The following AEBP2 variants were observed in gnomAD, a reference collection of about 807,000 sequenced individuals.
AEBP2 encodes the protein AE binding protein 2, also known as zinc finger protein AEBP2.
Under a neutral mutation model 50.8 loss-of-function variants are expected in AEBP2, and 10 were observed. That is an observed-to-expected ratio of 0.20 (90% CI 0.12 to 0.33). AEBP2 has a LOEUF of 0.33. Ranked by LOEUF, AEBP2 falls within the 10% of genes least tolerant of loss-of-function variation. AEBP2 has a pLI of 1.00. For synonymous variants in AEBP2, 296 were observed against 261.3 expected, an observed-to-expected ratio of 1.13 and a Z score of -1.28; for missense variants, 570 against 688.0, an observed-to-expected ratio of 0.83 and a Z score of 1.92.
At chr12:19,507,673 G>C (rs191671277) in intron 5 of AEBP2, among the ~76,000 whole-genome samples, 6 of 152,146 alleles carry the variant, frequency 3.9e-5, no homozygotes, top group Admixed American at 3.9e-4. Flanking sequence ...TTTTTTTCCT[G>C]GGGAAGGAAA....
Position 19,439,645 on chromosome 12 carries a change from CGA to C in AEBP2, c.-49_-48del. On this transcript the variant is annotated 5_prime_UTR_variant, in exon 1 of 8. Transcript: ENST00000266508. The stretch of plus-strand genomic sequence containing the variant: ...GGGAGGGGGGCGAGGGAGAGAGAGT[CGA>C]GAGAGGGAGGCGGCGGTGGGGAGGA... The C allele has an allele frequency of 6.7e-7, 1 of 1,496,290 alleles. No homozygotes were observed. The highest frequency in any genetic ancestry group is 8.9e-7 in the Non-Finnish European group (1 of 1,128,808). The allele number at this position is 1,496,290 out of a possible 1,614,324, so 92.7% of individuals were successfully genotyped here. A position where few individuals can be genotyped will look rare whatever the true frequency, so the allele number is the denominator to read the frequency against.
At chr12:19,456,590 G>A in intron 1 of AEBP2, 1 of 1,540,872 alleles carries the variant, frequency 6.5e-7, no homozygotes, top group Non-Finnish European at 9.0e-7. Context: ...GGCCTGGAAG[G>A]TTCAGGATAA....
intron 2 of AEBP2, among the ~76,000 whole-genome samples, chr12:19,467,688 A>C (rs1250037161): frequency 6.6e-6 from 1 of 152,170 alleles, no homozygotes; most frequent in Non-Finnish European, 1.5e-5. Flanking sequence ...TCTTAATATA[A>C]GTCTTGGAAA....
intron 1 of AEBP2, among the ~76,000 whole-genome samples, chr12:19,405,806 G>A (rs1181852417): frequency 6.6e-6 from 1 of 151,642 alleles, no homozygotes; most frequent in Non-Finnish European, 1.5e-5. Flanking sequence ...AACCTACATT[G>A]ATACTTTATC....
chr12:19,465,690 A>T (rs974590215), intron 2 of AEBP2, among the ~76,000 whole-genome samples: 1 of 152,112 alleles, frequency 6.6e-6, no homozygotes, highest in Non-Finnish European at 1.5e-5. Context: ...GTTTTGAATG[A>T]TAAAATATGA....
chr12:19,440,746 T>C lies in AEBP2; in HGVS notation c.671+376T>C, dbSNP rs1000088618. The C allele has an allele frequency of 2.7e-5, 41 of 1,533,386 alleles. No homozygotes were observed. The East Asian group carries it at 3.7e-4, about 14-fold the overall frequency. 95.0% of individuals were successfully genotyped at this position (1,533,386 alleles called of 1,614,324 possible). The stretch of plus-strand genomic sequence containing the variant: ...ACTCAAGGTTAGCTTCTTCCAACCG[T>C]GTTCGGGAACACTTGTCAGAACTAC... On this transcript the variant is annotated intron_variant, in intron 1 of 7. Coordinates refer to ENST00000266508, the MANE Select transcript of AEBP2 (RefSeq NM_153207.5).
intron 1 of AEBP2, among the ~76,000 whole-genome samples, chr12:19,406,431 C>T (rs1474545533): frequency 1.3e-5 from 2 of 152,098 alleles, no homozygotes; most frequent in Non-Finnish European, 2.9e-5. Context: ...AATAGACGCA[C>T]ACTTTGGGAG....
chr12:19,409,293 C>T (rs2095738013), intron 1 of AEBP2, among the ~76,000 whole-genome samples: 1 of 151,770 alleles, frequency 6.6e-6, no homozygotes. Context: ...CATAACTATT[C>T]CCTTTGGGTC....
chr12:19,418,299 A>C (rs1352064779), intron 1 of AEBP2, among the ~76,000 whole-genome samples: 8 of 150,738 alleles, frequency 5.3e-5, no homozygotes, highest in Non-Finnish European at 1.2e-4. Context: ...ATTATGGCTC[A>C]CTGCAGCCTC....
At chr12:19,450,395 T>C (rs1948146449) in intron 1 of AEBP2, among the ~76,000 whole-genome samples, 1 of 151,470 alleles carries the variant, frequency 6.6e-6, no homozygotes, top group African/African-American at 2.4e-5. Flanking sequence ...TTAATAGTTT[T>C]TATTTTTAGT....
intron 1 of AEBP2, among the ~76,000 whole-genome samples, chr12:19,461,250 C>T (rs780704700): frequency 2.0e-5 from 3 of 152,014 alleles, no homozygotes; most frequent in Non-Finnish European, 4.4e-5. Context: ...TTTCTCTTGA[C>T]CCTTATGATT....
intron 2 of AEBP2, among the ~76,000 whole-genome samples, chr12:19,468,993 C>T (rs1023535492): frequency 3.9e-5 from 6 of 152,198 alleles, no homozygotes. Context: ...GGCGCCATCT[C>T]AGCTCACTGC....
At chr12:19,441,673 C>T (rs1396687895) in intron 1 of AEBP2, among the ~76,000 whole-genome samples, 1 of 152,126 alleles carries the variant, frequency 6.6e-6, no homozygotes, top group African/African-American at 2.4e-5. Context: ...AAGAAAATAT[C>T]TTCGGGTAAA....
Position 19,463,228 on chromosome 12 carries a change from G to A in AEBP2, c.879+511G>A, listed in dbSNP as rs78789324. On this transcript the variant is annotated intron_variant, in intron 2 of 7. Coordinates refer to ENST00000266508, the MANE Select transcript of AEBP2 (RefSeq NM_153207.5). The stretch of plus-strand genomic sequence containing the variant: ...AGAGCTGATTTAGATGGAAAGTTCT[G>A]ATTAGTTAGTATTGACCTATATGTC... Among the ~76,000 whole-genome samples the A allele has an allele frequency of 7.2e-3, 1,099 of 152,304 alleles. 14 individuals are homozygous for A. The highest frequency in any genetic ancestry group is 0.025 in the African/African-American group (1,037 of 41,560).
At chr12:19,437,537 C>G (rs1947873693), upstream of AEBP2, among the ~76,000 whole-genome samples, 1 of 151,942 alleles carries the variant, frequency 6.6e-6, no homozygotes, top group South Asian at 2.1e-4. Flanking sequence ...GAGACAGGGT[C>G]TCGCTATTTT....
upstream of AEBP2, among the ~76,000 whole-genome samples, chr12:19,437,112 C>G (rs1277015652): frequency 6.6e-6 from 1 of 152,212 alleles, no homozygotes; most frequent in Admixed American, 6.5e-5. Flanking sequence ...GAAGTCTGCT[C>G]TATACCTGGG....
Position 19,440,216 on chromosome 12 carries a change from G to GGCGGCAGCA in AEBP2, c.519_527dup (p.Gly174_Ser176dup). Reference sequence around the variant, plus strand: ...GCGGGGCAGCCAGGGCGGCGGCGGGGGCGGCAGCAGTAGCAGCAGCGTAGT... The same window carrying GGCGGCAGCA: ...GCGGGGCAGCCAGGGCGGCGGCGGGGGCGGCAGCAGCGGCAGCAGTAGCAGCAGCGTAGT... On this transcript the variant is annotated inframe_insertion, in exon 1 of 8. Coordinates refer to ENST00000266508, the MANE Select transcript of AEBP2 (RefSeq NM_153207.5). The GGCGGCAGCA allele has an allele frequency of 6.8e-7, 1 of 1,464,376 alleles. No homozygotes were observed. The highest frequency in any genetic ancestry group is 8.9e-7 in the Non-Finnish European group (1 of 1,121,096). 90.7% of individuals were successfully genotyped at this position (1,464,376 alleles called of 1,614,324 possible).
chr12:19,414,476 G>A (rs963633417), intron 1 of AEBP2, among the ~76,000 whole-genome samples: 2 of 152,172 alleles, frequency 1.3e-5, no homozygotes, highest in Admixed American at 1.3e-4. Flanking sequence ...AAGATTTTCA[G>A]GGAATAGGCC....
At chr12:19,517,222 A>T (rs946731511) in intron 7 of AEBP2, among the ~76,000 whole-genome samples, 1 of 152,200 alleles carries the variant, frequency 6.6e-6, no homozygotes, top group Admixed American at 6.5e-5. Context: ...AAAAGAAGAA[A>T]AACAATTATT....
Sources: gnomAD v4.1 joint callset for allele counts (sites outside exome capture counted in the v4.1 genomes callset) on GRCh38, gnomAD v4.1.1 for gene constraint, MANE v1.5 for transcripts, NCBI Gene and HGNC (gene_info 2026-07-23, HGNC 2026-07-21) for gene names.